SOS1: variants seen among roughly 807,000 people sequenced by gnomAD.
SOS1 encodes the protein son of sevenless homolog 1.
In SOS1, 25 loss-of-function variants were observed where a neutral mutation model predicts 157.6. The ratio of observed to expected loss-of-function variants is 0.16; its 90% CI spans 0.12 to 0.22. The LOEUF is 0.22. Ranked by LOEUF, SOS1 falls within the 10% of genes least tolerant of loss-of-function variation. The probability of loss-of-function intolerance (pLI) is 1.00; values close to 1 mark genes in which losing one functional copy is unlikely to be tolerated. For missense variants in SOS1, 1,237 were observed against 1,599.1 expected (o/e 0.77, Z 3.86); for synonymous variants, 528 against 534.0 (o/e 0.99, Z 0.16).
intron 15 of SOS1, among the ~76,000 whole-genome samples, chr2:39,009,638 A>G (rs1669396730): frequency 6.6e-6 from 1 of 152,208 alleles, no homozygotes; most frequent in African/African-American, 2.4e-5. Flanking sequence ...CAAAGCTTTA[A>G]TGGGCTAAGA....
chr2:39,051,093 T>C, intron 6 of SOS1, 51 bp downstream of exon 6: 3 of 1,559,052 alleles, frequency 1.9e-6, no homozygotes, highest in Non-Finnish European at 2.7e-6. Flanking sequence ...AATTTTAATG[T>C]AAATGTAGGC....
At chr2:39,036,563 A>G (rs2124564941) in intron 6 of SOS1, among the ~76,000 whole-genome samples, 1 of 151,794 alleles carries the variant, frequency 6.6e-6, no homozygotes, top group Non-Finnish European at 1.5e-5. Flanking sequence ...CATGTTGACC[A>G]CCCTGGTCGT....
intron 5 of SOS1, among the ~76,000 whole-genome samples, chr2:39,052,686 T>A (rs760659348): frequency 2.0e-5 from 3 of 152,216 alleles, no homozygotes; most frequent in Non-Finnish European, 4.4e-5. Context: ...TGTTTATACA[T>A]TCACCTGCTG....
chr2:39,036,817 C>T (rs1467984321), intron 6 of SOS1, among the ~76,000 whole-genome samples: 4 of 152,010 alleles, frequency 2.6e-5, no homozygotes, highest in East Asian at 1.9e-4. Context: ...CCTCGTGATC[C>T]GCCCGCCTCG....
At chr2:39,035,129 C>CAA (rs1491537352) in intron 8 of SOS1, 83 bp downstream of exon 8, 5 of 856,006 alleles carry the variant, frequency 5.8e-6, no homozygotes, top group Non-Finnish European at 7.8e-6. Flanking sequence ...GCAGGGTACT[C>CAA]ACACAATAAT....
At position 38,986,097 on chromosome 2, in the gene SOS1, G is replaced by C. The variant is rs730881026; in HGVS notation, c.3729C>G (p.Asp1243Glu). ...LQPPPLGKKS[D>E]HGNAFFPNSP... ...TGTTTGGGAAGAAGGCATTGCCATG[G>C]TCACTTTTTTTGCCCAAAGGGGGAG... is the stretch of plus-strand genomic sequence containing the variant. Residue 1243 changes from aspartate (D) to glutamate (E), a missense_variant, in exon 23 of 23, where the codon GAC becomes GAG. Physicochemically the swap from Asp to Glu is conservative, Grantham distance 45. Around this residue, in one of 15 missense-constraint regions of SOS1, gnomAD observed 306 missense variants for 322.6 expected, o/e 0.95. Transcript: ENST00000402219. The C allele has an allele frequency of 7.3e-5, 117 of 1,613,758 alleles. No homozygotes were observed. Among genetic ancestry groups the C allele is most frequent in the Non-Finnish European group, 8.8e-5 (104 of 1,179,902 alleles).
chr2:39,076,850 T>C (rs1291128955), intron 1 of SOS1, among the ~76,000 whole-genome samples: 1 of 152,172 alleles, frequency 6.6e-6, no homozygotes, highest in Non-Finnish European at 1.5e-5. Context: ...GGTAATATAA[T>C]TATTCTAATT....
chr2:39,011,813 A>AT (rs1669483169), intron 14 of SOS1, among the ~76,000 whole-genome samples: 1 of 152,148 alleles, frequency 6.6e-6, no homozygotes, highest in Admixed American at 6.5e-5. Context: ...TTTACTCTTG[A>AT]GGAAAATAAG....
At chr2:39,085,631 A>G (rs1672343377) in intron 1 of SOS1, among the ~76,000 whole-genome samples, 6 of 152,248 alleles carry the variant, frequency 3.9e-5, no homozygotes, top group Admixed American at 3.9e-4. Flanking sequence ...ACGTTCCTTG[A>G]TATACAACCA....
chr2:39,049,000 C>G (rs933674453), intron 6 of SOS1, among the ~76,000 whole-genome samples: 1 of 152,158 alleles, frequency 6.6e-6, no homozygotes, highest in African/African-American at 2.4e-5. Context: ...TCACTGCAGT[C>G]TCCACCTCCT....
intron 6 of SOS1, among the ~76,000 whole-genome samples, chr2:39,039,859 T>C (rs758389678): frequency 3.9e-5 from 6 of 152,198 alleles, no homozygotes; most frequent in Non-Finnish European, 8.8e-5. Context: ...ACCATAAATC[T>C]ACTTTTTGTC....
chr2:39,088,822 T>C lies in SOS1; in HGVS notation c.88-21069A>G, dbSNP rs984427701. 2.6e-5 allele frequency among the ~76,000 whole-genome samples: 4 copies of C among 152,194 alleles called. No homozygotes were observed. The East Asian group carries it at 7.7e-4, about 29-fold the overall frequency. On this transcript the variant is annotated intron_variant, in intron 1 of 22. Coordinates refer to ENST00000402219, the MANE Select transcript of SOS1 (RefSeq NM_005633.4). ...TATCTGTTCAAATCCCTGCTTTCAA[T>C]AGCTAGAAGTGGAACTACTAGATCA...
intron 2 of SOS1, among the ~76,000 whole-genome samples, chr2:39,061,249 TAA>T (rs68086036): frequency 0.3 from 34,930 of 117,538 alleles, 5,017 homozygotes; most frequent in African/African-American, 0.37. Flanking sequence ...TTCGTAGGGT[TAA>T]AAAAAAAAAA....
At chr2:39,039,326 G>A (rs1450448593) in intron 6 of SOS1, among the ~76,000 whole-genome samples, 1 of 152,176 alleles carries the variant, frequency 6.6e-6, no homozygotes, top group East Asian at 1.9e-4. Flanking sequence ...ACATATGCAT[G>A]AATATTTTTT....
chr2:39,075,470 A>T (rs1351326427), intron 1 of SOS1, among the ~76,000 whole-genome samples: 2 of 152,056 alleles, frequency 1.3e-5, no homozygotes, highest in Non-Finnish European at 2.9e-5. Flanking sequence ...CCTCTAAAAG[A>T]AGGAAAGAAA....
chr2:38,987,620 G>T, intron 21 of SOS1, 29 bp from the exon 22 acceptor site: 1 of 1,070,410 alleles, frequency 9.3e-7, no homozygotes, highest in Non-Finnish European at 1.4e-6. Context: ...TTAAGAAAAA[G>T]TCCACAGGAA....
At position 38,985,724 on chromosome 2, in the gene SOS1, G is replaced by A. The variant is rs1303474515; in HGVS notation, c.*100C>T. 3.5e-6 allele frequency: 3 copies of A among 861,284 alleles called. No individual in the cohort carries two copies. The East Asian group carries it at 9.7e-5, about 28-fold the overall frequency. The allele number at this position is 861,284 out of a possible 1,614,324, so 53.4% of individuals were successfully genotyped here. On this transcript the variant is annotated 3_prime_UTR_variant, in exon 23 of 23. Transcript: ENST00000402219. Reference sequence around the variant, plus strand: ...TCTTGAAGAAGAGTCGTTAGTGTTTGGAGTTCTCATTTTAACTCCTCAGTG... The same window carrying A: ...TCTTGAAGAAGAGTCGTTAGTGTTTAGAGTTCTCATTTTAACTCCTCAGTG...
intron 17 of SOS1, among the ~76,000 whole-genome samples, chr2:39,001,356 C>A (rs936935930): frequency 5.3e-5 from 8 of 152,164 alleles, no homozygotes; most frequent in Middle Eastern, 3.2e-3. Context: ...AGCCACTGCG[C>A]CCAGCTGAAA....
intron 1 of SOS1, among the ~76,000 whole-genome samples, chr2:39,104,905 T>C (rs80126089): frequency 7.2e-5 from 11 of 152,270 alleles, no homozygotes; most frequent in South Asian, 2.1e-4. Flanking sequence ...TTACTAGGGA[T>C]TGGGAAAGAA....
Sources: gnomAD v4.1 joint callset for allele counts (sites outside exome capture counted in the v4.1 genomes callset) on GRCh38, gnomAD v4.1.1 for gene constraint, gnomAD v4.1.1 regional missense constraint, MANE v1.5 for transcripts, NCBI Gene and HGNC (gene_info 2026-07-23, HGNC 2026-07-21) for gene names.